Variants in SLAIN1 observed in about 807,000 individuals in gnomAD.
The protein encoded by SLAIN1 is SLAIN motif-containing protein 1.
A neutral mutation model predicts 55.4 loss-of-function variants in SLAIN1; 17 were observed. The observed-to-expected ratio is 0.31, with a 90% CI of 0.21 to 0.46. SLAIN1 has a LOEUF of 0.46. SLAIN1 is among the 20% of genes least tolerant of loss of function. The pLI, the probability that SLAIN1 is intolerant of heterozygous loss-of-function variation, is 1.00. For synonymous variants in SLAIN1, 348 were observed against 337.4 expected (o/e 1.03, Z -0.35); for missense variants, 682 against 785.1 (o/e 0.87, Z 1.57).
At chr13:77,757,455 A>G (rs1046006617) in intron 5 of SLAIN1, among the ~76,000 whole-genome samples, 2 of 150,592 alleles carry the variant, frequency 1.3e-5, no homozygotes, top group Non-Finnish European at 3.0e-5. Flanking sequence ...TTATTTCAAT[A>G]GTTTTTGGGG....
chr13:77,697,900 C>A lies in SLAIN1; in HGVS notation c.-14C>A. ...GCGCACTCCCCGGCGGCCGCGGCGC[C>A]CTCGGGGCCCACGATGATGGCGGAG... On this transcript the variant is annotated 5_prime_UTR_variant, in exon 1 of 7. Coordinates refer to ENST00000418532, the MANE Select transcript of SLAIN1 (RefSeq NM_001242868.2). 1 of 1,357,082 alleles carries A rather than the reference C, an allele frequency of 7.4e-7. No homozygotes were observed. The highest frequency in any genetic ancestry group is 9.5e-7 in the Non-Finnish European group (1 of 1,050,386). 84.1% of individuals were successfully genotyped at this position (1,357,082 alleles called of 1,614,324 possible).
rs918593767 is a variant in SLAIN1 at position 77,753,266 on chromosome 13, A to T, written c.1322A>T (p.Asn441Ile). The stretch of plus-strand genomic sequence containing the variant: ...CCAAGTACAACTGCCATTAGTAGCA[A>T]CATTAGTTCTCCGGTCACCGTGCGA... ...RMPSTTAISS[N>I]ISSPVTVRNS... Residue 441 changes from asparagine to isoleucine, a missense_variant, in exon 5 of 7, where the codon AAC (asparagine) becomes ATC (isoleucine). Asn to Ile is a moderately radical substitution (Grantham distance 149, BLOSUM62 -3). Around this residue, in one of 3 missense-constraint regions of SLAIN1, gnomAD observed 244 missense variants for 295.2 expected, o/e 0.83. Coordinates refer to ENST00000418532, the MANE Select transcript of SLAIN1 (RefSeq NM_001242868.2). 5.6e-6 allele frequency: 9 copies of T among 1,613,138 alleles called. No homozygotes were observed. The highest frequency in any genetic ancestry group is 6.8e-6 in the Non-Finnish European group (8 of 1,179,566).
At chr13:77,729,871 G>A (rs975741145) in intron 2 of SLAIN1, among the ~76,000 whole-genome samples, 41 of 152,188 alleles carry the variant, frequency 2.7e-4, no homozygotes, top group Admixed American at 7.9e-4. Context: ...AGCTGGGACC[G>A]GAGAGTCAGT....
At chr13:77,723,056 A>AT (rs1036057461) in intron 2 of SLAIN1, among the ~76,000 whole-genome samples, 13 of 151,700 alleles carry the variant, frequency 8.6e-5, no homozygotes, top group South Asian at 4.2e-4. Context: ...CCCATCTAAC[A>AT]TTTTTTTTCA....
intron 2 of SLAIN1, among the ~76,000 whole-genome samples, chr13:77,737,709 T>G (rs1873192941): frequency 6.6e-6 from 1 of 152,128 alleles, no homozygotes; most frequent in African/African-American, 2.4e-5. Flanking sequence ...TAATGTCTCC[T>G]GAAGTGTTTA....
intron 2 of SLAIN1, among the ~76,000 whole-genome samples, chr13:77,728,165 A>AC (rs1284716819): frequency 6.6e-6 from 1 of 152,018 alleles, no homozygotes; most frequent in Non-Finnish European, 1.5e-5. Flanking sequence ...CATCTTTCTA[A>AC]CCCCCCTCTA....
intron 3 of SLAIN1, 83 bp from the exon 4 acceptor site, chr13:77,746,431 A>G (rs1212106088): frequency 3.2e-6 from 4 of 1,232,622 alleles, no homozygotes; most frequent in Non-Finnish European, 4.5e-6. Context: ...TATTTGGCAC[A>G]ATTTTTCATC....
In SLAIN1 at chr13:77,737,542, C is replaced by T. The variant is rs1014205811; in HGVS notation, c.767-6741C>T. ...CCTACCAACCTCTCCAGCCCTAACT[C>T]TTCTCTTATACCCTATGCTTTAGTC... On this transcript the variant is annotated intron_variant, in intron 2 of 6. Coordinates refer to ENST00000418532, the MANE Select transcript of SLAIN1 (RefSeq NM_001242868.2). 2.0e-5 allele frequency among the ~76,000 whole-genome samples: 3 copies of T among 152,082 alleles called. 1 individual carries two copies. Among genetic ancestry groups the T allele is most frequent in the African/African-American group, 7.2e-5 (3 of 41,424 alleles).
intron 5 of SLAIN1, among the ~76,000 whole-genome samples, chr13:77,758,357 AT>A (rs1255061952): frequency 6.6e-6 from 1 of 151,058 alleles, no homozygotes; most frequent in Non-Finnish European, 1.5e-5. Flanking sequence ...GTTTGCAGAT[AT>A]TTTTTTCTAC....
chr13:77,728,733 A>C (rs2091330387), intron 2 of SLAIN1, among the ~76,000 whole-genome samples: 1 of 152,176 alleles, frequency 6.6e-6, no homozygotes, highest in African/African-American at 2.4e-5. Context: ...TCTTTTGTTA[A>C]AATCCACACA....
At chr13:77,721,365 G>T (rs961760456) in intron 2 of SLAIN1, among the ~76,000 whole-genome samples, 1 of 152,110 alleles carries the variant, frequency 6.6e-6, no homozygotes, top group African/African-American at 2.4e-5. Flanking sequence ...AAATTACCCA[G>T]TCTCAGGTAG....
chr13:77,701,820 G>T (rs1261183728), intron 1 of SLAIN1, among the ~76,000 whole-genome samples: 1 of 150,374 alleles, frequency 6.7e-6, no homozygotes, highest in Non-Finnish European at 1.5e-5. Context: ...ACATTGTGCA[G>T]GTTAGTTACA....
chr13:77,699,249 A>T (rs1385347719), intron 1 of SLAIN1: 4 of 374,316 alleles, frequency 1.1e-5, no homozygotes, highest in South Asian at 1.1e-4. Context: ...TTATTTATTT[A>T]TTTATTTTTT....
chr13:77,740,307 G>A (rs943735390), intron 2 of SLAIN1, among the ~76,000 whole-genome samples: 1 of 152,040 alleles, frequency 6.6e-6, no homozygotes, highest in Non-Finnish European at 1.5e-5. Flanking sequence ...CTGGTGAGAG[G>A]TGGTGAGTGG....
chr13:77,755,085 C>T (rs1345637427), intron 5 of SLAIN1, among the ~76,000 whole-genome samples: 1 of 152,096 alleles, frequency 6.6e-6, no homozygotes, highest in Non-Finnish European at 1.5e-5. Context: ...TAGAAATATA[C>T]AATTCTATGT....
chr13:77,741,694 G>T, intron 2 of SLAIN1: 3 of 145,284 alleles, frequency 2.1e-5, no homozygotes, highest in Non-Finnish European at 1.5e-5. Context: ...GCAAGGATCT[G>T]AAGAATCCCA....
At chr13:77,711,150 C>G (rs2091146273) in intron 1 of SLAIN1, among the ~76,000 whole-genome samples, 2 of 151,954 alleles carry the variant, frequency 1.3e-5, no homozygotes, top group Admixed American at 6.6e-5. Context: ...GATCAACACC[C>G]TAATATCACA....
At chr13:77,737,113 T>C (rs965795866) in intron 2 of SLAIN1, among the ~76,000 whole-genome samples, 5 of 151,930 alleles carry the variant, frequency 3.3e-5, no homozygotes, top group Admixed American at 6.6e-5. Context: ...AATCTAAACA[T>C]GAGTATCTCA....
At chr13:77,721,241 G>C (rs1941225561) in intron 2 of SLAIN1, among the ~76,000 whole-genome samples, 2 of 152,200 alleles carry the variant, frequency 1.3e-5, no homozygotes, top group South Asian at 4.2e-4. Flanking sequence ...TCTCTCTCCT[G>C]CCACCATGTA....
Sources: gnomAD v4.1 joint callset for allele counts (sites outside exome capture counted in the v4.1 genomes callset) on GRCh38, gnomAD v4.1.1 for gene constraint, gnomAD v4.1.1 regional missense constraint, MANE v1.5 for transcripts, NCBI Gene and HGNC (gene_info 2026-07-23, HGNC 2026-07-21) for gene names.